The following SGCD variants were observed in gnomAD, a reference collection of about 807,000 sequenced individuals.
SGCD encodes the protein sarcoglycan delta.
In SGCD, 18 loss-of-function variants were observed where a neutral mutation model predicts 36.6. That is an observed-to-expected ratio of 0.49 (90% CI 0.34 to 0.73). The LOEUF is 0.73. SGCD is among the 30% of genes least tolerant of loss of function. SGCD has a pLI of 0.01. For synonymous variants in SGCD, 133 were observed against 130.6 expected, an observed-to-expected ratio of 1.02 and a Z score of -0.12; for missense variants, 387 against 346.7, an observed-to-expected ratio of 1.12 and a Z score of -0.92.
At chr5:156,373,626 T>C (rs1017105011) in intron 3 of SGCD, among the ~76,000 whole-genome samples, 1 of 152,190 alleles carries the variant, frequency 6.6e-6, no homozygotes, top group Non-Finnish European at 1.5e-5. Flanking sequence ...TTTCCAGAAA[T>C]CTCCATGACT....
At chr5:155,866,476 A>G (rs977360295), upstream of SGCD, among the ~76,000 whole-genome samples, 1 of 152,190 alleles carries the variant, frequency 6.6e-6, no homozygotes, top group Non-Finnish European at 1.5e-5. Context: ...ATTCCTCCCC[A>G]TTCCTGCTCC....
chr5:156,606,152 T>G (rs548633388), intron 6 of SGCD, among the ~76,000 whole-genome samples: 40 of 152,304 alleles, frequency 2.6e-4, no homozygotes, highest in Non-Finnish European at 5.6e-4. Context: ...TTGCCTAGGT[T>G]TTCTTCTAGG....
intron 7 of SGCD, among the ~76,000 whole-genome samples, chr5:156,756,525 G>A (rs1757340928): frequency 6.6e-6 from 1 of 152,284 alleles, no homozygotes. Flanking sequence ...GAGCAACAGG[G>A]TGAGACCCTG....
chr5:156,520,960 T>A (rs1247740885), intron 4 of SGCD, among the ~76,000 whole-genome samples: 2 of 136,306 alleles, frequency 1.5e-5, no homozygotes, highest in Non-Finnish European at 3.0e-5. Flanking sequence ...GATATTGCAG[T>A]GAGTCGAGAT....
chr5:156,087,494 G>T (rs934514572), intron 1 of SGCD, among the ~76,000 whole-genome samples: 2 of 151,908 alleles, frequency 1.3e-5, no homozygotes, highest in African/African-American at 4.8e-5. Flanking sequence ...CAAAAAATTA[G>T]CTGGGCATGG....
chr5:156,237,627 T>C (rs1450664323), intron 3 of SGCD, among the ~76,000 whole-genome samples: 2 of 151,316 alleles, frequency 1.3e-5, no homozygotes, highest in African/African-American at 2.4e-5. Context: ...TGTCTCAAAA[T>C]GAAAAAAACA....
At chr5:155,827,845 A>ATTTTTT in the SGCD span, among the ~76,000 whole-genome samples, 276 of 124,884 alleles carry the variant, frequency 2.2e-3, 5 homozygotes, top group African/African-American at 7.5e-3. Context: ...CACCTGGCTA[A>ATTTTTT]TTTTTTTTTT....
chr5:156,356,228 A>T (rs1010291537), intron 3 of SGCD, among the ~76,000 whole-genome samples: 8 of 152,104 alleles, frequency 5.3e-5, no homozygotes, highest in Non-Finnish European at 1.0e-4. Flanking sequence ...AGCTCAGGGG[A>T]GATGGCTTGT....
At chr5:156,499,938 A>G (rs1306773804) in intron 3 of SGCD, among the ~76,000 whole-genome samples, 1 of 152,014 alleles carries the variant, frequency 6.6e-6, no homozygotes, top group Non-Finnish European at 1.5e-5. Context: ...CTCAACTTTA[A>G]AAAAAAATTA....
At chr5:156,687,266 C>T (rs1753937184) in intron 7 of SGCD, among the ~76,000 whole-genome samples, 1 of 152,168 alleles carries the variant, frequency 6.6e-6, no homozygotes, top group Non-Finnish European at 1.5e-5. Flanking sequence ...ATGCATTCTT[C>T]CCACCCAGCA....
At chr5:156,289,460 C>T (rs1408189996) in intron 3 of SGCD, among the ~76,000 whole-genome samples, 8 of 151,880 alleles carry the variant, frequency 5.3e-5, no homozygotes, top group Non-Finnish European at 1.0e-4. Flanking sequence ...TCTACCTCCA[C>T]CCCTCACCCC....
At chr5:155,904,903 T>A (rs536815328) in intron 1 of SGCD, among the ~76,000 whole-genome samples, 1 of 152,314 alleles carries the variant, frequency 6.6e-6, no homozygotes, top group South Asian at 2.1e-4. Context: ...TGCCATGTAA[T>A]AGGTGGACAA....
At chr5:156,042,999 A>C (rs1759675771) in intron 1 of SGCD, among the ~76,000 whole-genome samples, 1 of 152,160 alleles carries the variant, frequency 6.6e-6, no homozygotes, top group African/African-American at 2.4e-5. Flanking sequence ...TGTCATTTAA[A>C]CTATGTCTCT....
At chr5:156,058,763 T>C (rs910555680) in intron 1 of SGCD, among the ~76,000 whole-genome samples, 3 of 146,198 alleles carry the variant, frequency 2.1e-5, no homozygotes, top group Non-Finnish European at 3.1e-5. Flanking sequence ...TATAAAGATA[T>C]ATAATGGAAT....
intron 1 of SGCD, among the ~76,000 whole-genome samples, chr5:155,940,922 A>G (rs1757311040): frequency 6.6e-6 from 1 of 152,080 alleles, no homozygotes. Context: ...TATCCTGATC[A>G]TTTCATGAGG....
At chr5:156,360,622 C>T (rs1417188452) in intron 3 of SGCD, among the ~76,000 whole-genome samples, 1 of 151,994 alleles carries the variant, frequency 6.6e-6, no homozygotes, top group East Asian at 1.9e-4. Context: ...CACACACTTC[C>T]CATCCTGTGC....
intron 3 of SGCD, among the ~76,000 whole-genome samples, chr5:156,504,357 G>T (rs1418477033): frequency 4.9e-5 from 7 of 143,788 alleles, no homozygotes; most frequent in Non-Finnish European, 1.1e-4. Flanking sequence ...GAGAATTTTT[G>T]TTATATGTAC....
chr5:155,846,700 T>G, the SGCD span, among the ~76,000 whole-genome samples: 2 of 152,224 alleles, frequency 1.3e-5, no homozygotes, highest in African/African-American at 4.8e-5. Context: ...TCTTCATCTC[T>G]AAATGTATTT....
At chr5:156,274,540 C>T (rs183686005) in intron 3 of SGCD, among the ~76,000 whole-genome samples, 2 of 152,210 alleles carry the variant, frequency 1.3e-5, no homozygotes, top group African/African-American at 4.8e-5. Context: ...TTAATCAGTG[C>T]ATATAGGAGC....
Sources: gnomAD v4.1 joint callset for allele counts (sites outside exome capture counted in the v4.1 genomes callset) on GRCh38, gnomAD v4.1.1 for gene constraint, MANE v1.5 for transcripts, NCBI Gene and HGNC (gene_info 2026-07-23, HGNC 2026-07-21) for gene names.